The following LRRTM4 variants were observed in gnomAD, a reference collection of about 807,000 sequenced individuals.
LRRTM4 encodes the protein leucine rich repeat transmembrane neuronal 4.
Under a neutral mutation model 47.6 loss-of-function variants are expected in LRRTM4, and 25 were observed. The observed-to-expected ratio is 0.53, with a 90% CI of 0.38 to 0.73. The LOEUF (loss-of-function observed/expected upper bound fraction) is 0.73, where lower values mean the gene tolerates loss of function less well. Among genes scored for constraint, LRRTM4 ranks in the 30% least tolerant of loss-of-function variants. The pLI is 0.00. For synonymous variants in LRRTM4, 311 were observed against 269.5 expected (o/e 1.15, Z -1.51); for missense variants, 638 against 713.4 (o/e 0.89, Z 1.20).
At chr2:76,979,541 G>GTA (rs70939837) in intron 3 of LRRTM4, among the ~76,000 whole-genome samples, 8 of 126,948 alleles carry the variant, frequency 6.3e-5, no homozygotes, top group South Asian at 4.8e-4. Context: ...CTGAATTTCT[G>GTA]TATATATATA....
In LRRTM4 at chr2:76,792,446, C is replaced by G. The variant is rs147733753; in HGVS notation, c.1552-43530G>C. Among the ~76,000 whole-genome samples the G allele has an allele frequency of 6.2e-4, 95 of 152,208 alleles. No individual in the cohort carries two copies. In the East Asian group the frequency reaches 0.014, roughly 23 times the overall value. On this transcript the variant is annotated intron_variant, in intron 3 of 3. Coordinates refer to ENST00000409884, the MANE Select transcript of LRRTM4 (RefSeq NM_001134745.3). ...TTCATGCAAAACACTCTGCTGGGAA[C>G]TATGGTAATCCAAAGATAGAAGGAT... is the stretch of plus-strand genomic sequence containing the variant.
At chr2:77,016,252 G>C (rs1260261277) in intron 3 of LRRTM4, among the ~76,000 whole-genome samples, 1 of 151,746 alleles carries the variant, frequency 6.6e-6, no homozygotes, top group Non-Finnish European at 1.5e-5. Context: ...TGGGCGTGGT[G>C]GCAGGCGCCT....
At chr2:77,055,519 T>G (rs956411059) in intron 3 of LRRTM4, among the ~76,000 whole-genome samples, 4 of 152,116 alleles carry the variant, frequency 2.6e-5, no homozygotes, top group Non-Finnish European at 5.9e-5. Context: ...AGAATGGCAA[T>G]CATTAAAAAG....
At chr2:77,398,570 A>C (rs1673798507) in intron 3 of LRRTM4, among the ~76,000 whole-genome samples, 2 of 151,918 alleles carry the variant, frequency 1.3e-5, no homozygotes, top group South Asian at 4.1e-4. Context: ...GAATGGTCAT[A>C]TATCAGAATT....
intron 3 of LRRTM4, among the ~76,000 whole-genome samples, chr2:76,876,144 G>A (rs536834486): frequency 1.2e-4 from 19 of 152,026 alleles, no homozygotes; most frequent in South Asian, 2.1e-4. Context: ...TATGCCTAAC[G>A]ATTTTAGAGA....
chr2:76,844,248 C>T (rs571129214), intron 3 of LRRTM4, among the ~76,000 whole-genome samples: 5 of 152,154 alleles, frequency 3.3e-5, no homozygotes, highest in African/African-American at 1.2e-4. Flanking sequence ...TATTCTCCTG[C>T]CTCAGCCTCC....
intron 3 of LRRTM4, among the ~76,000 whole-genome samples, chr2:77,427,731 C>A (rs72921906): frequency 0.06 from 9,172 of 152,220 alleles, 908 homozygotes; most frequent in African/African-American, 0.21. Flanking sequence ...TGGGGACATA[C>A]AATCTTTACT....
chr2:77,251,647 TC>T (rs1675620472), intron 3 of LRRTM4, among the ~76,000 whole-genome samples: 1 of 152,112 alleles, frequency 6.6e-6, no homozygotes, highest in Non-Finnish European at 1.5e-5. Flanking sequence ...AATGAAGAAA[TC>T]TGAGATGAAG....
chr2:76,757,769 C>T (rs979640108), intron 3 of LRRTM4, among the ~76,000 whole-genome samples: 10 of 152,096 alleles, frequency 6.6e-5, no homozygotes, highest in Non-Finnish European at 1.2e-4. Flanking sequence ...TAATGACATA[C>T]AGAAGACAAG....
chr2:77,205,784 A>G (rs1025786541), intron 3 of LRRTM4, among the ~76,000 whole-genome samples: 21 of 152,316 alleles, frequency 1.4e-4, no homozygotes, highest in African/African-American at 4.6e-4. Context: ...TTGCTGAATG[A>G]GCACATTTTA....
intron 3 of LRRTM4, among the ~76,000 whole-genome samples, chr2:77,280,550 C>T (rs933663814): frequency 2.6e-5 from 4 of 151,928 alleles, no homozygotes; most frequent in Non-Finnish European, 4.4e-5. Flanking sequence ...AGGTGCAGAA[C>T]AAGGGAAGTG....
chr2:76,768,445 A>G (rs147263373), intron 3 of LRRTM4, among the ~76,000 whole-genome samples: 4 of 152,168 alleles, frequency 2.6e-5, no homozygotes, highest in African/African-American at 7.2e-5. Context: ...AGTTTAAAGC[A>G]TGCAAAAGAA....
intron 3 of LRRTM4, among the ~76,000 whole-genome samples, chr2:77,343,759 A>T (rs1671460638): frequency 6.6e-6 from 1 of 151,932 alleles, no homozygotes; most frequent in Admixed American, 6.6e-5. Flanking sequence ...ATAATAATCA[A>T]GACAAAACCT....
intron 3 of LRRTM4, among the ~76,000 whole-genome samples, chr2:76,857,340 T>TAATATA (rs1314597277): frequency 7.5e-6 from 1 of 133,790 alleles, no homozygotes; most frequent in African/African-American, 3.7e-5. Context: ...TCATATATAT[T>TAATATA]TATTCCTTAG....
intron 3 of LRRTM4, among the ~76,000 whole-genome samples, chr2:77,476,069 G>T (rs370947954): frequency 2.0e-5 from 3 of 151,874 alleles, no homozygotes; most frequent in Non-Finnish European, 4.4e-5. Context: ...TAATACTGAC[G>T]TTTTCTGATG....
rs560753208 is a variant in LRRTM4 at position 77,184,454 on chromosome 2, T to C, written c.1551+333864A>G. 2.6e-5 allele frequency among the ~76,000 whole-genome samples: 4 copies of C among 152,200 alleles called. No individual in the cohort carries two copies. The Middle Eastern group carries it at 0.014, about 518-fold the overall frequency. On this transcript the variant is annotated intron_variant, in intron 3 of 3. Transcript: ENST00000409884. Reference sequence around the variant, plus strand: ...CTGAGTACCGATTCCCTATAAAAAATGGTATTGAAATGAGAATATCATTGA... The same window carrying C: ...CTGAGTACCGATTCCCTATAAAAAACGGTATTGAAATGAGAATATCATTGA...
At chr2:77,174,207 G>C (rs938318469) in intron 3 of LRRTM4, among the ~76,000 whole-genome samples, 3 of 152,098 alleles carry the variant, frequency 2.0e-5, no homozygotes, top group Non-Finnish European at 4.4e-5. Context: ...TTCTAGGTAA[G>C]GCTCAGATTA....
At chr2:77,477,912 A>AAAG (rs1285405537) in intron 3 of LRRTM4, among the ~76,000 whole-genome samples, 3 of 29,714 alleles carry the variant, frequency 1.0e-4, no homozygotes, top group African/African-American at 3.8e-4. Flanking sequence ...AAAAAGAAAG[A>AAAG]AAGAAAGAAA....
intron 3 of LRRTM4, among the ~76,000 whole-genome samples, chr2:77,436,650 T>C (rs1320667553): frequency 6.6e-6 from 1 of 151,672 alleles, no homozygotes; most frequent in African/African-American, 2.4e-5. Flanking sequence ...GGGTGACAAC[T>C]CACCATGCAT....
Sources: gnomAD v4.1 joint callset for allele counts (sites outside exome capture counted in the v4.1 genomes callset) on GRCh38, gnomAD v4.1.1 for gene constraint, MANE v1.5 for transcripts, NCBI Gene and HGNC (gene_info 2026-07-23, HGNC 2026-07-21) for gene names.